The following TFG variants were observed in gnomAD, a reference collection of about 807,000 sequenced individuals.
TFG encodes protein TFG.
TFG carries 22 observed loss-of-function variants against 51.4 expected under a neutral mutation model. The observed-to-expected ratio is 0.43, with a 90% CI of 0.31 to 0.61. TFG has a LOEUF of 0.61. TFG is among the 20% of genes least tolerant of loss of function. The probability of loss-of-function intolerance (pLI) is 0.12; values close to 1 mark genes in which losing one functional copy is unlikely to be tolerated. For missense variants in TFG, 419 were observed against 487.7 expected (o/e 0.86, Z 1.33); for synonymous variants, 187 against 165.6 (o/e 1.13, Z -0.99).
intron 1 of TFG, among the ~76,000 whole-genome samples, chr3:100,711,817 T>C (rs1158014254): frequency 6.7e-6 from 1 of 150,210 alleles, no homozygotes; most frequent in African/African-American, 2.5e-5. Context: ...CAAGATGGAA[T>C]ATTTACCATC....
In TFG at chr3:100,748,769, T is replaced by C; in HGVS notation, c.*238T>C. 1 of 487,360 alleles carries C rather than the reference T, an allele frequency of 2.1e-6. No homozygotes were observed. Among genetic ancestry groups the C allele is most frequent in the South Asian group, 3.2e-5 (1 of 31,086 alleles). The allele number at this position is 487,360 out of a possible 1,614,324, so 30.2% of individuals were successfully genotyped here. Reference sequence around the variant, plus strand: ...CTTAGTTACTTTGGAACACTACTCTTACATGTATAAAGTGATTGACTTGAC... The same window carrying C: ...CTTAGTTACTTTGGAACACTACTCTCACATGTATAAAGTGATTGACTTGAC... On this transcript the variant is annotated 3_prime_UTR_variant, in exon 8 of 8. Coordinates refer to ENST00000240851, the MANE Select transcript of TFG (RefSeq NM_006070.6).
intron 2 of TFG, 87 bp downstream of exon 2, chr3:100,713,956 A>G (rs1263021479): frequency 3.5e-6 from 3 of 858,240 alleles, no homozygotes; most frequent in East Asian, 2.9e-5. Context: ...GCTGGAGTAC[A>G]GTGGTGTGAT....
At chr3:100,744,991 T>G (rs2095131266) in intron 7 of TFG, 60 bp downstream of exon 7, 1 of 992,906 alleles carries the variant, frequency 1.0e-6, no homozygotes, top group African/African-American at 1.6e-5. Context: ...TCATTAAACT[T>G]TAAGTTCTTA....
At chr3:100,724,190 T>C (rs2095068590) in intron 3 of TFG, among the ~76,000 whole-genome samples, 1 of 152,138 alleles carries the variant, frequency 6.6e-6, no homozygotes, top group African/African-American at 2.4e-5. Context: ...TTCAAACAGT[T>C]ACAAAAGGAC....
At chr3:100,713,583 CTTTG>C (rs2095036939) in intron 1 of TFG, 56 bp from the exon 2 acceptor site, 2 of 740,988 alleles carry the variant, frequency 2.7e-6, no homozygotes, top group East Asian at 6.0e-5. Context: ...CTAATAGTAG[CTTTG>C]CTCTCAACTT....
In TFG at chr3:100,736,617, G is replaced by A. The variant is rs34112649; in HGVS notation, c.622G>A (p.Asp208Asn). The part of the protein sequence containing the change: ...APAEDRSGTP[D>N]SIASSSSAAH... ...TGCAGAAGATCGTTCAGGAACACCC[G>A]ACAGCATTGCTTCCTCCTCCTCAGC... The change falls in exon 6 of 8, where the codon GAC (aspartate) becomes AAC (asparagine). Residue 208 changes from aspartate (D) to asparagine (N), a missense_variant. Asp to Asn is a conservative substitution (Grantham distance 23). Coordinates refer to ENST00000240851, the MANE Select transcript of TFG (RefSeq NM_006070.6). 2 of 1,613,876 alleles carry A rather than the reference G, an allele frequency of 1.2e-6. No individual in the cohort carries two copies. Among genetic ancestry groups the A allele is most frequent in the African/African-American group, 1.3e-5 (1 of 74,984 alleles).
chr3:100,721,129 T>A (rs145712619), intron 3 of TFG, among the ~76,000 whole-genome samples: 1 of 152,346 alleles, frequency 6.6e-6, no homozygotes, highest in Non-Finnish European at 1.5e-5. Context: ...GTATTGAATG[T>A]AAAATACTTA....
intron 1 of TFG, 178 bp downstream of exon 1, chr3:100,709,899 G>T (rs2095024824): frequency 7.8e-6 from 1 of 128,236 alleles, no homozygotes; most frequent in African/African-American, 2.9e-5. Flanking sequence ...GACGAGGCCG[G>T]GGGGGAGGGC....
chr3:100,747,516 A>G (rs1244674809), intron 7 of TFG: 1 of 152,594 alleles, frequency 6.6e-6, no homozygotes, highest in Non-Finnish European at 1.5e-5. Context: ...AAAAAAAATT[A>G]CATCCTAGTA....
intron 2 of TFG, 32 bp from the exon 3 acceptor site, chr3:100,719,942 TA>T (rs749145428): frequency 2.1e-6 from 3 of 1,418,780 alleles, no homozygotes; most frequent in South Asian, 1.3e-5. Context: ...TTTAAAAAAT[TA>T]AAAAACAACC....
Position 100,744,903 on chromosome 3 carries a change from G to T in TFG, c.792G>T (p.Gln264His), listed in dbSNP as rs1576379647. The stretch of plus-strand genomic sequence containing the variant: ...AGCAGCCGCAGGCTCCACCTCAGCA[G>T]CCTCAACAGTATGGTATTCAGTATT... ...GAQQPQAPPQ[Q>H]PQQYGIQYSA... Residue 264 changes from glutamine to histidine, a missense_variant, in exon 7 of 8, where the codon CAG (glutamine) becomes CAT (histidine). Physicochemically the swap from Gln to His is conservative, Grantham distance 24 (BLOSUM62 0). Transcript: ENST00000240851. 1 of 1,613,508 alleles carries T rather than the reference G, an allele frequency of 6.2e-7. No homozygotes were observed. Among genetic ancestry groups the T allele is most frequent in the Non-Finnish European group, 8.5e-7 (1 of 1,179,606 alleles).
intron 4 of TFG, among the ~76,000 whole-genome samples, chr3:100,731,754 G>T (rs1221400882): frequency 6.6e-6 from 1 of 151,906 alleles, no homozygotes; most frequent in Non-Finnish European, 1.5e-5. Flanking sequence ...ATTGGGTTTT[G>T]CCAGGCTGGT....
Position 100,732,676 on chromosome 3 carries a change from A to G in TFG, c.580+4A>G, listed in dbSNP as rs1344643752. On this transcript the variant is annotated splice_donor_region_variant and intron_variant, in intron 5 of 7. Transcript: ENST00000240851. ...TTAACAGATGATCAGGTTTCAGGTAAGTTGGTTTCCAACTCCTTTACACCC... is the reference window on the plus strand; with the variant it reads ...TTAACAGATGATCAGGTTTCAGGTAGGTTGGTTTCCAACTCCTTTACACCC... 6.2e-7 allele frequency: 1 copy of G among 1,606,794 alleles called. No individual in the cohort carries two copies.
Position 100,748,368 on chromosome 3 carries a change from C to G in TFG, c.1040C>G (p.Pro347Arg). The change falls in exon 8 of 8, where the codon CCT (proline) becomes CGT (arginine). Residue 347 changes from proline (P) to arginine (R), a missense_variant. By Grantham distance (103) the Pro-to-Arg change is moderately radical. Around this residue, in one of 3 missense-constraint regions of TFG, gnomAD observed 391 missense variants for 434.4 expected, o/e 0.90. Coordinates refer to ENST00000240851, the MANE Select transcript of TFG (RefSeq NM_006070.6). Reference protein sequence around the residue: ...TNYTVAPASQPGMAPSQPGAY... With the variant: ...TNYTVAPASQRGMAPSQPGAY... ...TATACTGTGGCTCCTGCCTCTCAACCTGGAATGGCTCCAAGCCAACCTGGG... is the reference window on the plus strand; with the variant it reads ...TATACTGTGGCTCCTGCCTCTCAACGTGGAATGGCTCCAAGCCAACCTGGG... 1 of 1,614,168 alleles carries G rather than the reference C, an allele frequency of 6.2e-7. No homozygotes were observed. Among genetic ancestry groups the G allele is most frequent in the Non-Finnish European group, 8.5e-7 (1 of 1,180,004 alleles).
chr3:100,740,370 C>G (rs1271274002), intron 6 of TFG, among the ~76,000 whole-genome samples: 1 of 152,110 alleles, frequency 6.6e-6, no homozygotes, highest in East Asian at 1.9e-4. Flanking sequence ...CAGTTCTTTA[C>G]CATTTGGACT....
intron 2 of TFG, among the ~76,000 whole-genome samples, chr3:100,717,580 T>G (rs1383886142): frequency 1.9e-4 from 1 of 5,252 alleles, no homozygotes; most frequent in African/African-American, 2.2e-4. Context: ...TTCATCAGTG[T>G]TTTTTTTTTT....
Position 100,748,784 on chromosome 3 carries a change from ATTGAC to A in TFG, c.*261_*265del, listed in dbSNP as rs1439519476. 1 of 394,308 alleles carries A rather than the reference ATTGAC, an allele frequency of 2.5e-6. No homozygotes were observed. Among genetic ancestry groups the A allele is most frequent in the African/African-American group, 2.0e-5 (1 of 49,238 alleles). The allele number at this position is 394,308 out of a possible 1,614,324, so 24.4% of individuals were successfully genotyped here. ...ACACTACTCTTACATGTATAAAGTG[ATTGAC>A]TTGACTTTCTAGCTTCCCTTGTCCG... On this transcript the variant is annotated 3_prime_UTR_variant, in exon 8 of 8. Coordinates refer to ENST00000240851, the MANE Select transcript of TFG (RefSeq NM_006070.6).
At chr3:100,730,797 A>G (rs551905854) in intron 4 of TFG, among the ~76,000 whole-genome samples, 31 of 152,288 alleles carry the variant, frequency 2.0e-4, no homozygotes, top group African/African-American at 6.7e-4. Context: ...CCAGCAGCTA[A>G]TGGAGCAAGT....
At chr3:100,737,079 A>G (rs1199939596) in intron 6 of TFG, among the ~76,000 whole-genome samples, 1 of 151,864 alleles carries the variant, frequency 6.6e-6, no homozygotes, top group Non-Finnish European at 1.5e-5. Flanking sequence ...ACATCTGTGC[A>G]TGATTTTTCT....
Sources: allele counts gnomAD v4.1 joint callset (sites outside exome capture counted in the v4.1 genomes callset), GRCh38; gene constraint gnomAD v4.1.1; regional missense constraint gnomAD v4.1.1; transcripts MANE v1.5; gene names NCBI Gene and HGNC (gene_info 2026-07-23, HGNC 2026-07-21).